The following RTN4 variants were observed in gnomAD, a reference collection of about 807,000 sequenced individuals.
RTN4 encodes reticulon-4.
Under a neutral mutation model 90.4 loss-of-function variants are expected in RTN4, and 32 were observed. The ratio of observed to expected loss-of-function variants is 0.35; its 90% CI spans 0.27 to 0.48. The LOEUF (loss-of-function observed/expected upper bound fraction) is 0.48. RTN4 is among the 20% of genes least tolerant of loss of function. The pLI is 0.99. For missense variants in RTN4, 1,706 were observed against 1,430.2 expected, an observed-to-expected ratio of 1.19 and a Z score of -3.11; for synonymous variants, 629 against 552.5, an observed-to-expected ratio of 1.14 and a Z score of -1.94.
intron 1 of RTN4, among the ~76,000 whole-genome samples, chr2:55,039,705 G>A (rs1014991026): frequency 1.3e-5 from 2 of 152,190 alleles, no homozygotes. Context: ...CTTGAACCCA[G>A]GAGGTGGAGG....
intron 1 of RTN4, among the ~76,000 whole-genome samples, chr2:55,109,604 T>C (rs1053823609): frequency 6.6e-6 from 1 of 152,190 alleles, no homozygotes; most frequent in African/African-American, 2.4e-5. Context: ...CTGATTCTGC[T>C]AAAACACCTT....
chr2:55,052,119 T>G (rs1346816297), upstream of RTN4, among the ~76,000 whole-genome samples: 1 of 152,202 alleles, frequency 6.6e-6, no homozygotes, highest in East Asian at 1.9e-4. Flanking sequence ...TGTTCTGTAT[T>G]ATCCTGTAAT....
intron 2 of RTN4, among the ~76,000 whole-genome samples, chr2:55,068,685 G>C (rs1277226880): frequency 8.7e-6 from 1 of 115,592 alleles, no homozygotes; most frequent in Non-Finnish European, 1.7e-5. Flanking sequence ...AAAAGGGGGG[G>C]GGGTGGGGGC....
intron 1 of RTN4, among the ~76,000 whole-genome samples, chr2:55,087,140 G>A (rs1363772855): frequency 3.9e-5 from 6 of 152,166 alleles, no homozygotes; most frequent in African/African-American, 1.4e-4. Flanking sequence ...CAATTTGGGT[G>A]GTTATGTTTG....
At chr2:55,048,264 G>T (rs1253705700) in intron 1 of RTN4, among the ~76,000 whole-genome samples, 2 of 152,224 alleles carry the variant, frequency 1.3e-5, no homozygotes, top group Non-Finnish European at 2.9e-5. Flanking sequence ...GAGTGAATGT[G>T]AAGGCCTAGG....
intron 1 of RTN4, among the ~76,000 whole-genome samples, chr2:55,034,351 C>A (rs2972063): frequency 0.84 from 127,991 of 151,946 alleles, 54,217 homozygotes; most frequent in Middle Eastern, 0.93. Flanking sequence ...AAAATTAAAA[C>A]ATTAGCCAGG....
At chr2:55,109,956 C>A (rs1323849468) in intron 1 of RTN4, among the ~76,000 whole-genome samples, 1 of 151,998 alleles carries the variant, frequency 6.6e-6, no homozygotes, top group African/African-American at 2.4e-5. Context: ...AATTTATATT[C>A]AGAAGTGGTA....
In RTN4 at chr2:54,987,699, C is replaced by T; in HGVS notation, c.3014-1G>A. On this transcript the variant is annotated splice_acceptor_variant, in intron 3 of 8. Transcript: ENST00000337526. LOFTEE classifies it high-confidence loss of function. ...TCTCTCCAGTACAGGAGGTCAACAA[C>T]TAAAAATTGAAAAAGAAATCTGAAA... The T allele has an allele frequency of 6.2e-7, 1 of 1,607,210 alleles. No homozygotes were observed. Among genetic ancestry groups the T allele is most frequent in the Non-Finnish European group, 8.5e-7 (1 of 1,175,586 alleles).
At chr2:54,997,315 C>T in intron 3 of RTN4, among the ~76,000 whole-genome samples, 1 of 152,064 alleles carries the variant, frequency 6.6e-6, no homozygotes, top group Non-Finnish European at 1.5e-5. Flanking sequence ...GATACCACTT[C>T]ATACCCCCTA....
In RTN4 at chr2:55,104,057, C is replaced by A. The variant is rs1411293247; in HGVS notation, c.-214+8463G>T. Among the ~76,000 whole-genome samples the A allele has an allele frequency of 6.6e-5, 10 of 151,036 alleles. No individual in the cohort carries two copies. In the East Asian group the frequency reaches 2.0e-3, roughly 30 times the overall value. ...AAGTGTTTTTTGTTCTTTTTATTCA[C>A]TTATTTATTTTGAGATGGAATCTTG... On this transcript the variant is annotated intron_variant, in intron 1 of 3. Transcript: ENST00000427710.
chr2:55,108,250 C>T (rs1246139819), intron 1 of RTN4, among the ~76,000 whole-genome samples: 2 of 152,102 alleles, frequency 1.3e-5, no homozygotes, highest in Admixed American at 1.3e-4. Flanking sequence ...CCAACCCACC[C>T]AGCCCAGTTC....
At chr2:55,045,430 T>C (rs1315513622) in intron 1 of RTN4, among the ~76,000 whole-genome samples, 1 of 152,200 alleles carries the variant, frequency 6.6e-6, no homozygotes, top group East Asian at 1.9e-4. Context: ...GAACAAATAA[T>C]GAAATAGTTC....
intron 2 of RTN4, among the ~76,000 whole-genome samples, chr2:55,059,360 C>CT (rs1418329798): frequency 2.0e-5 from 3 of 150,626 alleles, no homozygotes; most frequent in Non-Finnish European, 3.0e-5. Flanking sequence ...TTAATTAATA[C>CT]TTTTTTTATT....
At chr2:55,069,464 T>A (rs571388153) in intron 2 of RTN4, among the ~76,000 whole-genome samples, 1 of 152,218 alleles carries the variant, frequency 6.6e-6, no homozygotes, top group Non-Finnish European at 1.5e-5. Context: ...ACTGAAAATA[T>A]CTGCATGGCC....
intron 1 of RTN4, among the ~76,000 whole-genome samples, chr2:55,108,418 G>C (rs185145803): frequency 1.3e-5 from 2 of 152,186 alleles, no homozygotes; most frequent in Non-Finnish European, 2.9e-5. Flanking sequence ...GAAGGGTGAA[G>C]GGGCTCCAGC....
At chr2:55,108,404 G>A (rs1162944641) in intron 1 of RTN4, among the ~76,000 whole-genome samples, 2 of 152,098 alleles carry the variant, frequency 1.3e-5, no homozygotes, top group African/African-American at 4.8e-5. Flanking sequence ...AGGCAGGAGA[G>A]GGAGAAGGGT....
intron 1 of RTN4, among the ~76,000 whole-genome samples, chr2:55,039,207 T>G (rs1285968091): frequency 6.6e-6 from 1 of 152,190 alleles, no homozygotes; most frequent in East Asian, 1.9e-4. Flanking sequence ...TAAACTAATG[T>G]ACGCATTTGT....
chr2:55,090,697 C>T (rs555149056), intron 1 of RTN4, among the ~76,000 whole-genome samples: 3 of 152,266 alleles, frequency 2.0e-5, no homozygotes, highest in South Asian at 2.1e-4. Flanking sequence ...ACCTGTCTTC[C>T]GCACTGACCC....
chr2:55,095,287 G>A (rs1218153361), intron 1 of RTN4, among the ~76,000 whole-genome samples: 2 of 151,658 alleles, frequency 1.3e-5, no homozygotes, highest in African/African-American at 2.4e-5. Flanking sequence ...TCGTGCCACT[G>A]CACTCTAGTC....
Sources: gnomAD v4.1 joint callset for allele counts (sites outside exome capture counted in the v4.1 genomes callset) on GRCh38, gnomAD v4.1.1 for gene constraint, MANE v1.5 for transcripts, NCBI Gene and HGNC (gene_info 2026-07-23, HGNC 2026-07-21) for gene names.